The following DLC1 variants were observed in gnomAD, a reference collection of about 807,000 sequenced individuals.
DLC1 encodes DLC1 Rho GTPase activating protein.
Under a neutral mutation model 140.3 loss-of-function variants are expected in DLC1, and 54 were observed. The ratio of observed to expected loss-of-function variants is 0.38; its 90% CI spans 0.31 to 0.48. DLC1 has a LOEUF of 0.48. Ranked by LOEUF, DLC1 falls within the 20% of genes least tolerant of loss-of-function variation. The pLI, the probability that DLC1 is intolerant of heterozygous loss-of-function variation, is 0.96. For synonymous variants in DLC1, 986 were observed against 728.1 expected (o/e 1.35, Z -5.70); for missense variants, 2,536 against 1,907.0 (o/e 1.33, Z -6.14).
intron 5 of DLC1, among the ~76,000 whole-genome samples, chr8:13,264,621 G>A (rs934440489): frequency 2.0e-5 from 3 of 152,216 alleles, no homozygotes; most frequent in Admixed American, 6.5e-5. Context: ...TATGACCCAG[G>A]AGGGGCACAC....
chr8:13,596,321 G>C (rs148506304), intron 1 of DLC1, among the ~76,000 whole-genome samples: 3 of 152,026 alleles, frequency 2.0e-5, no homozygotes, highest in African/African-American at 7.2e-5. Context: ...TTTAAGGAGG[G>C]AAAAGTAGCT....
At chr8:13,120,447 G>A (rs1447664957) in intron 5 of DLC1, among the ~76,000 whole-genome samples, 2 of 145,844 alleles carry the variant, frequency 1.4e-5, no homozygotes, top group Non-Finnish European at 3.0e-5. Flanking sequence ...ACTGAAAACC[G>A]CATATATATT....
chr8:13,187,607 A>G (rs1397195719), intron 5 of DLC1, among the ~76,000 whole-genome samples: 1 of 152,236 alleles, frequency 6.6e-6, no homozygotes, highest in East Asian at 1.9e-4. Context: ...TAGCCAATAA[A>G]GAAACAGATA....
chr8:13,522,129 T>G (rs13270223), intron 1 of DLC1, among the ~76,000 whole-genome samples: 137,940 of 152,146 alleles, frequency 0.91, 63,229 homozygotes, highest in East Asian at 1. Flanking sequence ...AAAGGTGGGA[T>G]GAGAATGTTT....
chr8:13,497,032 C>G (rs1801546802), intron 2 of DLC1, among the ~76,000 whole-genome samples: 1 of 151,942 alleles, frequency 6.6e-6, no homozygotes, highest in Non-Finnish European at 1.5e-5. Context: ...GATCTCCTGA[C>G]CTCGTGATAC....
At chr8:13,298,698 A>G (rs984103630) in intron 5 of DLC1, among the ~76,000 whole-genome samples, 1 of 152,146 alleles carries the variant, frequency 6.6e-6, no homozygotes, top group Non-Finnish European at 1.5e-5. Flanking sequence ...AAGTGATATT[A>G]TTGTTGGATC....
Position 13,217,837 on chromosome 8 carries a change from CA to C in DLC1, c.1348+87431del, listed in dbSNP as rs1305039877. ...TGAGTGACAGAGTGAGACTCCATTT[CA>C]AAAAAAAAACAACAACAAAAAAAAA... On this transcript the variant is annotated intron_variant, in intron 5 of 17. Transcript: ENST00000276297. Among the ~76,000 whole-genome samples, 16 of 140,962 alleles carry C rather than the reference CA, an allele frequency of 1.1e-4. No homozygotes were observed. In the East Asian group the frequency reaches 1.7e-3, roughly 15 times the overall value. The allele number at this position is 140,962 out of a possible 152,430, so 92.5% of individuals were successfully genotyped here.
chr8:13,245,390 A>G (rs1290899108), intron 5 of DLC1, among the ~76,000 whole-genome samples: 2 of 152,204 alleles, frequency 1.3e-5, no homozygotes, highest in East Asian at 3.9e-4. Flanking sequence ...ATTCTGACCC[A>G]CAGAAGCTGT....
At chr8:13,121,021 T>C (rs1288680220) in intron 5 of DLC1, among the ~76,000 whole-genome samples, 2 of 152,226 alleles carry the variant, frequency 1.3e-5, no homozygotes, top group Non-Finnish European at 2.9e-5. Flanking sequence ...GGGGAACTTT[T>C]GGATTTCCTC....
chr8:13,398,651 T>C (rs1211246569), intron 3 of DLC1, among the ~76,000 whole-genome samples: 1 of 149,582 alleles, frequency 6.7e-6, no homozygotes, highest in Non-Finnish European at 1.5e-5. Context: ...GATGCATGCC[T>C]GTAGTCCCAA....
intron 4 of DLC1, among the ~76,000 whole-genome samples, chr8:13,306,910 C>G (rs1337368643): frequency 6.6e-6 from 1 of 151,426 alleles, no homozygotes; most frequent in Non-Finnish European, 1.5e-5. Context: ...ATGGTGAAAC[C>G]CCGCCTCTAC....
chr8:13,404,964 G>A (rs982779245), intron 2 of DLC1, among the ~76,000 whole-genome samples: 1 of 152,048 alleles, frequency 6.6e-6, no homozygotes, highest in African/African-American at 2.4e-5. Flanking sequence ...CCAAGATCGT[G>A]CCATTGTACT....
At chr8:13,247,167 T>C (rs1829799403) in intron 5 of DLC1, among the ~76,000 whole-genome samples, 1 of 152,218 alleles carries the variant, frequency 6.6e-6, no homozygotes, top group South Asian at 2.1e-4. Flanking sequence ...GCTGAAATGA[T>C]GGCAAGAATT....
chr8:13,425,668 C>CA (rs34728001), intron 2 of DLC1, among the ~76,000 whole-genome samples: 11 of 151,632 alleles, frequency 7.3e-5, no homozygotes, highest in African/African-American at 2.7e-4. Context: ...TGTGTCATAG[C>CA]AAAAAAAAAA....
chr8:13,536,782 T>G (rs61161036), intron 1 of DLC1, among the ~76,000 whole-genome samples: 2,286 of 152,300 alleles, frequency 0.015, 57 homozygotes, highest in African/African-American at 0.052. Context: ...ACATGACATG[T>G]TGAAATAACA....
At chr8:13,567,717 C>A (rs1804500901) in intron 1 of DLC1, 7 of 1,551,994 alleles carry the variant, frequency 4.5e-6, no homozygotes, top group South Asian at 3.6e-5. Context: ...ACTTTCTCAC[C>A]CGTATTGGAG....
In DLC1 at chr8:13,499,151, T is replaced by C; in HGVS notation, c.921A>G (p.Pro307=). 5 of 1,614,194 alleles carry C rather than the reference T, an allele frequency of 3.1e-6. No homozygotes were observed. Among genetic ancestry groups the C allele is most frequent in the East Asian group, 2.2e-5 (1 of 44,882 alleles). ...TGCCATCTTCTGCCTTGACCTTTGG[T>C]GGACTTTTGTTTTGATGTTGTGAAA... The part of the protein sequence containing the change: ...SGFSQHQNKS[P]PKVKAEDGMQ... Residue 307 remains proline, a synonymous_variant, in exon 2 of 18, where the codon CCA becomes CCG. Transcript: ENST00000276297.
intron 3 of DLC1, among the ~76,000 whole-genome samples, chr8:13,395,011 T>TATCC (rs1836959139): frequency 5.9e-5 from 5 of 84,248 alleles, no homozygotes; most frequent in African/African-American, 1.3e-4. Flanking sequence ...ATATTCTATC[T>TATCC]ATCTATCTAT....
chr8:13,411,903 T>G (rs576158984), intron 2 of DLC1, among the ~76,000 whole-genome samples: 1 of 152,264 alleles, frequency 6.6e-6, no homozygotes, highest in South Asian at 2.1e-4. Flanking sequence ...CCATATAATT[T>G]CATCCACAAA....
Sources: allele counts gnomAD v4.1 joint callset (sites outside exome capture counted in the v4.1 genomes callset), GRCh38; gene constraint gnomAD v4.1.1; transcripts MANE v1.5; gene names NCBI Gene and HGNC (gene_info 2026-07-23, HGNC 2026-07-21).